Variants in LIG1 observed in about 807,000 individuals in gnomAD.
The protein encoded by LIG1 is DNA ligase 1.
LIG1 carries 70 observed loss-of-function variants against 115.7 expected under a neutral mutation model. That is an observed-to-expected ratio of 0.60 (90% CI 0.50 to 0.74). The LOEUF is 0.74. LIG1 is among the 30% of genes least tolerant of loss of function. The pLI, the probability that LIG1 is intolerant of heterozygous loss-of-function variation, is 0.00. For synonymous variants in LIG1, 487 were observed against 495.3 expected (o/e 0.98, Z 0.22); for missense variants, 1,115 against 1,225.6 (o/e 0.91, Z 1.35).
At chr19:48,157,906 A>T (rs908306219) in intron 4 of LIG1, among the ~76,000 whole-genome samples, 2 of 152,122 alleles carry the variant, frequency 1.3e-5, no homozygotes, top group African/African-American at 4.8e-5. Context: ...TTTGGTCTCC[A>T]ATGTTGGAGG....
intron 9 of LIG1, among the ~76,000 whole-genome samples, chr19:48,144,743 A>G (rs1022850469): frequency 6.6e-6 from 1 of 152,054 alleles, no homozygotes; most frequent in Non-Finnish European, 1.5e-5. Context: ...ACCTCAAATG[A>G]TCTGCCTGCC....
In LIG1 at chr19:48,161,130, C is replaced by G. The variant is rs577647260; in HGVS notation, c.243+242G>C. 6.2e-5 allele frequency: 36 copies of G among 581,210 alleles called. No homozygotes were observed. The African/African-American group carries it at 6.5e-4, about 11-fold the overall frequency. The allele number at this position is 581,210 out of a possible 1,614,324, so 36.0% of individuals were successfully genotyped here. A position where few individuals can be genotyped will look rare whatever the true frequency, so the allele number is the denominator to read the frequency against. On this transcript the variant is annotated intron_variant, in intron 4 of 27. Coordinates refer to ENST00000263274, the MANE Select transcript of LIG1 (RefSeq NM_000234.3). ...CAGTCACCCTATGAGGAAGGTGTTA[C>G]CAGGAGCTGCATGTTACAGTTGAGG...
intron 2 of LIG1, 82 bp from the exon 3 acceptor site, chr19:48,162,433 C>CTTTTTTT: frequency 3.2e-6 from 2 of 632,026 alleles, no homozygotes; most frequent in South Asian, 1.9e-5. Flanking sequence ...CTATAACTTC[C>CTTTTTTT]TTTTTTTTTT....
intron 14 of LIG1, 64 bp downstream of exon 14, chr19:48,136,944 C>T: frequency 7.6e-7 from 1 of 1,309,536 alleles, no homozygotes. Flanking sequence ...GCTGCCAGTC[C>T]CTCCCTCCTT....
intron 2 of LIG1, among the ~76,000 whole-genome samples, chr19:48,162,874 A>C (rs144115185): frequency 2.0e-5 from 3 of 151,962 alleles, no homozygotes; most frequent in Admixed American, 2.0e-4. Context: ...GCAAGATATG[A>C]TACATCCCAA....
At chr19:48,135,891 G>GCGGCCCCCCCCCCCCC in intron 15 of LIG1, 112 bp from the exon 16 acceptor site, 1 of 928,770 alleles carries the variant, frequency 1.1e-6, no homozygotes, top group Non-Finnish European at 1.7e-6. Flanking sequence ...GGCCCAAGAC[G>GCGGCCCCCCCCCCCCC]CCCCCTCCCC....
At chr19:48,133,794 T>G (rs1477803700) in intron 17 of LIG1, among the ~76,000 whole-genome samples, 187 bp downstream of exon 17, 1 of 152,112 alleles carries the variant, frequency 6.6e-6, no homozygotes, top group Non-Finnish European at 1.5e-5. Context: ...CTACACCCTA[T>G]CTACTCCACA....
chr19:48,119,527 G>GTTT (rs2033117308), intron 24 of LIG1, among the ~76,000 whole-genome samples: 1 of 120,788 alleles, frequency 8.3e-6, no homozygotes, highest in African/African-American at 3.2e-5. Context: ...CTCACTTCCA[G>GTTT]TCTTTTTTTT....
At chr19:48,131,523 A>G (rs1205056513) in intron 18 of LIG1, among the ~76,000 whole-genome samples, 1 of 152,058 alleles carries the variant, frequency 6.6e-6, no homozygotes, top group Non-Finnish European at 1.5e-5. Flanking sequence ...CAGTGGTGCA[A>G]TCTCTGCTCA....
rs156647 is a variant in LIG1 at position 48,119,226 on chromosome 19, A to G, written c.2386-36T>C. ...GAAGCGGGAGGTCAGAGGCTCAGCCAGCCACAGGCCCAGCACTTGCTCCTG... is the reference window on the plus strand; with the variant it reads ...GAAGCGGGAGGTCAGAGGCTCAGCCGGCCACAGGCCCAGCACTTGCTCCTG... On this transcript the variant is annotated intron_variant, in intron 24 of 27. Coordinates refer to ENST00000263274, the MANE Select transcript of LIG1 (RefSeq NM_000234.3). 690,004 of 1,550,930 alleles carry G rather than the reference A, an allele frequency of 0.44. 157,433 individuals are homozygous for G. Among genetic ancestry groups the G allele is most frequent in the East Asian group, 0.77 (32,070 of 41,788 alleles).
In LIG1 at chr19:48,143,925, T is replaced by A. The variant is rs1359110587; in HGVS notation, c.815A>T (p.Asn272Ile). The change falls in exon 10 of 28, where the codon AAC (asparagine) becomes ATC (isoleucine). Residue 272 changes from asparagine to isoleucine, a missense_variant. Coordinates refer to ENST00000263274, the MANE Select transcript of LIG1 (RefSeq NM_000234.3). ...GCAGGCATCTTCCACGGGATGATAG[T>A]TGTTCTTGGCAGGATTGTAACCAGA... The part of the protein sequence containing the change: ...DPSGYNPAKN[N>I]YHPVEDACWK... 1 of 1,614,040 alleles carries A rather than the reference T, an allele frequency of 6.2e-7. No individual in the cohort carries two copies. The highest frequency in any genetic ancestry group is 1.7e-5 in the Admixed American group (1 of 59,992).
rs572644458 is a variant in LIG1, at chr19:48,141,054, C to T, written c.915-911G>A. Among the ~76,000 whole-genome samples the T allele has an allele frequency of 3.3e-5, 5 of 152,356 alleles. 1 individual carries two copies. The highest frequency in any genetic ancestry group is 9.6e-5 in the African/African-American group (4 of 41,582). Reference sequence around the variant, plus strand: ...GGGGAGTAACTTGGTGTGACGGTAACAATGATGAAGATGGTGATGATCAGC... The same window carrying T: ...GGGGAGTAACTTGGTGTGACGGTAATAATGATGAAGATGGTGATGATCAGC... On this transcript the variant is annotated intron_variant, in intron 11 of 27. Coordinates refer to ENST00000263274, the MANE Select transcript of LIG1 (RefSeq NM_000234.3).
In LIG1 at chr19:48,144,397, G is replaced by A. The variant is rs144571954; in HGVS notation, c.777-434C>T. 2.1e-3 allele frequency among the ~76,000 whole-genome samples: 326 copies of A among 152,274 alleles called. 5 individuals carry two copies. Among genetic ancestry groups the A allele is most frequent in the South Asian group, 0.014 (66 of 4,828 alleles). On this transcript the variant is annotated intron_variant, in intron 9 of 27. Transcript: ENST00000263274. ...ACTTGAGAAACAGAAAAGGGATTGC[G>A]TAGCTGAGCTGGGACAGAGGGAGGT...
chr19:48,139,870 T>C, intron 12 of LIG1, 101 bp downstream of exon 12: 1 of 1,386,722 alleles, frequency 7.2e-7, no homozygotes, highest in Admixed American at 1.7e-5. Flanking sequence ...TCAACCCTGT[T>C]TCACAGCCTC....
intron 9 of LIG1, among the ~76,000 whole-genome samples, chr19:48,148,828 A>G (rs1392719407): frequency 6.6e-6 from 1 of 152,216 alleles, no homozygotes; most frequent in African/African-American, 2.4e-5. Flanking sequence ...TGAAGCAATT[A>G]ATTGCTTAAC....
chr19:48,123,821 A>T (rs2033473326), intron 21 of LIG1, among the ~76,000 whole-genome samples: 1 of 151,374 alleles, frequency 6.6e-6, no homozygotes. Flanking sequence ...TACAGGCGTG[A>T]GCCACTGCAT....
rs772167979 is a variant in LIG1, at chr19:48,137,067, T to C, written c.1272A>G (p.Ile424Met). 5.6e-6 allele frequency: 9 copies of C among 1,612,830 alleles called. No homozygotes were observed. Among genetic ancestry groups the C allele is most frequent in the Non-Finnish European group, 7.6e-6 (9 of 1,179,690 alleles). The change falls in exon 14 of 28, where the codon ATA becomes ATG. Residue 424 changes from isoleucine to methionine, a missense_variant. By Grantham distance (10) the Ile-to-Met change is conservative. Transcript: ENST00000263274. This position sits in a 1 kb window ranked among gnomAD's most constrained non-coding sequence, Gnocchi z 4.3. ...LTGSASTAKKIDIIKGLFVAC... is the reference protein window; with the variant it reads ...LTGSASTAKKMDIIKGLFVAC... ...CCACAAAGAGGCCTTTGATGATGTC[T>C]ATCTTCTTGGCTGTGGACTGGAGAG...
At chr19:48,117,531 C>T in intron 26 of LIG1, 107 bp downstream of exon 26, 1 of 1,202,234 alleles carries the variant, frequency 8.3e-7, no homozygotes, top group Non-Finnish European at 1.2e-6. Flanking sequence ...TCTTCCTGAT[C>T]CTTACCTGGA....
chr19:48,144,178 A>T (rs1374606898), intron 9 of LIG1, among the ~76,000 whole-genome samples: 1 of 152,168 alleles, frequency 6.6e-6, no homozygotes, highest in African/African-American at 2.4e-5. Context: ...TTTAGGTGTT[A>T]AAAAAATCTT....
Sources: gnomAD v4.1 joint callset for allele counts (sites outside exome capture counted in the v4.1 genomes callset) on GRCh38, gnomAD v4.1.1 for gene constraint, Gnocchi (gnomAD v3.1) non-coding constraint, MANE v1.5 for transcripts, NCBI Gene and HGNC (gene_info 2026-07-23, HGNC 2026-07-21) for gene names.